Variants in ARL14EP observed in about 807,000 individuals in gnomAD.
ARL14EP encodes the protein ARF like GTPase 14 effector protein.
ARL14EP carries 12 observed loss-of-function variants against 23.1 expected under a neutral mutation model. The ratio of observed to expected loss-of-function variants is 0.52; its 90% confidence interval spans 0.33 to 0.84. The LOEUF is 0.84. ARL14EP is among the 40% of genes least tolerant of loss of function. The pLI, the probability that ARL14EP is intolerant of heterozygous loss-of-function variation, is 0.02. For synonymous variants in ARL14EP, 97 were observed against 102.0 expected, an observed-to-expected ratio of 0.95 and a Z score of 0.29; for missense variants, 253 against 307.3, an observed-to-expected ratio of 0.82 and a Z score of 1.32.
At chr11:30,335,264 G>C (rs1167243199) in intron 3 of ARL14EP, among the ~76,000 whole-genome samples, 1 of 152,206 alleles carries the variant, frequency 6.6e-6, no homozygotes, top group Non-Finnish European at 1.5e-5. Context: ...TTTCTTCTTA[G>C]AGATGAGCAA....
chr11:30,326,454 T>C (rs1173107161), intron 1 of ARL14EP, among the ~76,000 whole-genome samples: 1 of 152,176 alleles, frequency 6.6e-6, no homozygotes, highest in African/African-American at 2.4e-5. Context: ...AGGAACAATA[T>C]GAACTTGCTG....
chr11:30,331,611 C>T (rs996145495), intron 2 of ARL14EP: 3 of 1,370,278 alleles, frequency 2.2e-6, no homozygotes, highest in Non-Finnish European at 2.8e-6. Context: ...AGACTCCAAG[C>T]TACAACTTTT....
At position 30,331,213 on chromosome 11, in the gene ARL14EP, A is replaced by C. The variant is rs1565008984; in HGVS notation, c.265A>C (p.Asn89His). The change falls in exon 2 of 4, where the codon AAT becomes CAT. Residue 89 changes from asparagine to histidine, a missense_variant. Asn to His is a moderately conservative substitution (Grantham distance 68, BLOSUM62 1). Transcript: ENST00000282032. ...FNIHKKLAKK[N>H]LHVIDLDDAT... ...CATACACAAGAAATTAGCCAAAAAA[A>C]ATTTGCATGTAATTGACTTAGATGA... The C allele has an allele frequency of 1.2e-6, 2 of 1,613,974 alleles. No homozygotes were observed.
chr11:30,332,269 A>G (rs532899779), intron 2 of ARL14EP, among the ~76,000 whole-genome samples: 12 of 150,788 alleles, frequency 8.0e-5, no homozygotes, highest in African/African-American at 2.9e-4. Flanking sequence ...GGCCCAGTTT[A>G]TCTGTAGTTC....
intron 3 of ARL14EP, among the ~76,000 whole-genome samples, chr11:30,336,263 G>C (rs60881147): frequency 0.029 from 4,451 of 152,154 alleles, 222 homozygotes; most frequent in African/African-American, 0.1. Flanking sequence ...CTAATAAAGT[G>C]AACCACTATT....
chr11:30,330,046 G>C (rs970905866), intron 1 of ARL14EP: 1 of 151,692 alleles, frequency 6.6e-6, no homozygotes, highest in Non-Finnish European at 1.5e-5. Context: ...TAATCCACTT[G>C]TTATTGATTT....
In ARL14EP at chr11:30,325,916, A is replaced by G. The variant is rs118102762; in HGVS notation, c.-64+2714A>G. Reference sequence around the variant, plus strand: ...TTGCTGTTGGTTATCTACAGTTGACAGTTGTAAAATAGCTCCAAGATGCTG... The same window carrying G: ...TTGCTGTTGGTTATCTACAGTTGACGGTTGTAAAATAGCTCCAAGATGCTG... On this transcript the variant is annotated intron_variant, in intron 1 of 3. Coordinates refer to ENST00000282032, the MANE Select transcript of ARL14EP (RefSeq NM_152316.3). Among the ~76,000 whole-genome samples the G allele has an allele frequency of 9.5e-3, 1,444 of 152,320 alleles. 16 individuals are homozygous for G. Among genetic ancestry groups the G allele is most frequent in the Non-Finnish European group, 0.016 (1,085 of 68,020 alleles).
In ARL14EP at chr11:30,337,279, G is replaced by T. The variant is rs117810597; in HGVS notation, c.*484G>T. On this transcript the variant is annotated 3_prime_UTR_variant, in exon 4 of 4. Coordinates refer to ENST00000282032, the MANE Select transcript of ARL14EP (RefSeq NM_152316.3). ...ATGCTTCATGATTGTGACCAGTCAT[G>T]TTATTTCTTTCAAATTCTTCCAGTG... is the stretch of plus-strand genomic sequence containing the variant. 0.013 allele frequency: 2,212 copies of T among 176,804 alleles called. 96 individuals carry two copies. Among genetic ancestry groups the T allele is most frequent in the Admixed American group, 0.085 (1,530 of 18,100 alleles). The allele number at this position is 176,804 out of a possible 1,614,324, so 11.0% of individuals were successfully genotyped here.
chr11:30,327,095 C>T (rs952597296), intron 1 of ARL14EP, among the ~76,000 whole-genome samples: 1 of 152,118 alleles, frequency 6.6e-6, no homozygotes, highest in Admixed American at 6.5e-5. Flanking sequence ...CAATGTGCTG[C>T]CTGTTACTAA....
intron 1 of ARL14EP, among the ~76,000 whole-genome samples, chr11:30,324,610 A>G (rs565154882): frequency 1.2e-4 from 19 of 152,096 alleles, no homozygotes; most frequent in Non-Finnish European, 2.4e-4. Context: ...TAGACCTTGC[A>G]AGCATCATGG....
chr11:30,336,465 C>T, intron 3 of ARL14EP, 102 bp from the exon 4 acceptor site: 1 of 1,090,796 alleles, frequency 9.2e-7, no homozygotes. Context: ...GGCATGACCT[C>T]ATCTAAAAAT....
chr11:30,326,507 T>C (rs1191230771), intron 1 of ARL14EP, among the ~76,000 whole-genome samples: 2 of 152,158 alleles, frequency 1.3e-5, no homozygotes, highest in Non-Finnish European at 2.9e-5. Flanking sequence ...GTAGGCCACA[T>C]TGCCAGAACA....
intron 1 of ARL14EP, among the ~76,000 whole-genome samples, chr11:30,327,524 C>CA (rs1220441356): frequency 2.6e-5 from 4 of 151,782 alleles, no homozygotes; most frequent in African/African-American, 4.8e-5. Flanking sequence ...AGCTTTATGG[C>CA]AAAAAAAGTT....
At chr11:30,329,687 A>G (rs1469659394) in intron 1 of ARL14EP, 1 of 152,172 alleles carries the variant, frequency 6.6e-6, no homozygotes, top group Non-Finnish European at 1.5e-5. Context: ...TGGGGGAAAC[A>G]GTTTGTATGC....
At chr11:30,331,607 C>G (rs1947284376) in intron 2 of ARL14EP, 2 of 1,373,542 alleles carry the variant, frequency 1.5e-6, no homozygotes, top group Non-Finnish European at 1.9e-6. Flanking sequence ...CCTAAGACTC[C>G]AAGCTACAAC....
intron 1 of ARL14EP, among the ~76,000 whole-genome samples, chr11:30,327,586 G>C (rs1631451): frequency 0.16 from 24,715 of 151,954 alleles, 2,314 homozygotes; most frequent in East Asian, 0.23. Flanking sequence ...CAAATAAAAA[G>C]AATCTCTGGC....
rs1947337900 is a variant in ARL14EP, at chr11:30,336,949, A to G, written c.*154A>G. 14 of 723,610 alleles carry G rather than the reference A, an allele frequency of 1.9e-5. No individual in the cohort carries two copies. The highest frequency in any genetic ancestry group is 2.8e-5 in the Non-Finnish European group (12 of 427,124). The allele number at this position is 723,610 out of a possible 1,614,324, so 44.8% of individuals were successfully genotyped here. Reference sequence around the variant, plus strand: ...CATCTTGGGTGCTTTAAGATTCACTATTTGATATAAATTCAGATAGGCTAT... The same window carrying G: ...CATCTTGGGTGCTTTAAGATTCACTGTTTGATATAAATTCAGATAGGCTAT... On this transcript the variant is annotated 3_prime_UTR_variant, in exon 4 of 4. Coordinates refer to ENST00000282032, the MANE Select transcript of ARL14EP (RefSeq NM_152316.3).
intron 1 of ARL14EP, among the ~76,000 whole-genome samples, chr11:30,325,830 A>C (rs1055610032): frequency 6.6e-6 from 1 of 152,240 alleles, no homozygotes; most frequent in African/African-American, 2.4e-5. Context: ...CCACAGTCAG[A>C]CGGAAGTCCA....
intron 1 of ARL14EP, among the ~76,000 whole-genome samples, chr11:30,323,711 A>G (rs1947214197): frequency 6.6e-6 from 1 of 152,174 alleles, no homozygotes; most frequent in Admixed American, 6.5e-5. Flanking sequence ...GCCGTGAACT[A>G]AGGAAGAAAT....
Sources: gnomAD v4.1 joint callset for allele counts (sites outside exome capture counted in the v4.1 genomes callset) on GRCh38, gnomAD v4.1.1 for gene constraint, MANE v1.5 for transcripts, NCBI Gene and HGNC (gene_info 2026-07-23, HGNC 2026-07-21) for gene names.